The following CNTNAP5 variants were observed in gnomAD, a reference collection of about 807,000 sequenced individuals.
The protein encoded by CNTNAP5 is contactin associated protein family member 5.
CNTNAP5 carries 72 observed loss-of-function variants against 150.2 expected under a neutral mutation model. The ratio of observed to expected loss-of-function variants is 0.48; its 90% confidence interval spans 0.40 to 0.58. The LOEUF is 0.58. CNTNAP5 is among the 20% of genes least tolerant of loss of function. The probability of loss-of-function intolerance (pLI) is 0.00; values close to 1 mark genes in which losing one functional copy is unlikely to be tolerated. For missense variants in CNTNAP5, 1,636 were observed against 1,626.2 expected (o/e 1.01, Z -0.10); for synonymous variants, 672 against 619.8 (o/e 1.08, Z -1.25).
intron 6 of CNTNAP5, among the ~76,000 whole-genome samples, chr2:124,472,629 G>T (rs74952300): frequency 6.6e-6 from 1 of 151,368 alleles, no homozygotes; most frequent in African/African-American, 2.4e-5. Context: ...TGTGGATTCC[G>T]TTCCAGACGA....
At chr2:124,607,050 C>A (rs118147848) in intron 11 of CNTNAP5, among the ~76,000 whole-genome samples, 10 of 152,170 alleles carry the variant, frequency 6.6e-5, no homozygotes, top group African/African-American at 9.7e-5. Context: ...ATCCTTACTA[C>A]AACAGTATGA....
chr2:124,835,797 T>G (rs1038203122), intron 19 of CNTNAP5, among the ~76,000 whole-genome samples: 10 of 152,162 alleles, frequency 6.6e-5, no homozygotes, highest in Non-Finnish European at 1.2e-4. Flanking sequence ...TTAGATGACT[T>G]GTCAAAACTC....
chr2:124,347,793 G>A (rs1356816166), intron 3 of CNTNAP5, among the ~76,000 whole-genome samples: 3 of 151,906 alleles, frequency 2.0e-5, no homozygotes, highest in East Asian at 3.9e-4. Context: ...CCACACAAAT[G>A]TAGACATATA....
intron 1 of CNTNAP5, among the ~76,000 whole-genome samples, chr2:124,197,628 A>G (rs575842760): frequency 6.6e-6 from 1 of 152,302 alleles, no homozygotes; most frequent in South Asian, 2.1e-4. Flanking sequence ...AGGTGTGTAT[A>G]TCTTTAACTT....
At chr2:124,294,305 A>T (rs1688369243) in intron 3 of CNTNAP5, among the ~76,000 whole-genome samples, 1 of 152,220 alleles carries the variant, frequency 6.6e-6, no homozygotes, top group Non-Finnish European at 1.5e-5. Context: ...ATGAAAAAAA[A>T]TAAGGTAATA....
At chr2:124,868,165 C>T (rs1024255790) in intron 20 of CNTNAP5, among the ~76,000 whole-genome samples, 2 of 152,124 alleles carry the variant, frequency 1.3e-5, no homozygotes, top group Non-Finnish European at 2.9e-5. Context: ...TGTCTATCCT[C>T]AACATAGCAG....
At chr2:124,076,324 C>T (rs182757100) in intron 1 of CNTNAP5, among the ~76,000 whole-genome samples, 1 of 152,128 alleles carries the variant, frequency 6.6e-6, no homozygotes, top group Non-Finnish European at 1.5e-5. Context: ...GACAGAGTCT[C>T]CAGCTTCTCA....
intron 10 of CNTNAP5, among the ~76,000 whole-genome samples, chr2:124,549,192 G>T (rs550774348): frequency 6.6e-6 from 1 of 152,302 alleles, no homozygotes; most frequent in South Asian, 2.1e-4. Flanking sequence ...GCTGGTATCT[G>T]TTCACTTCAT....
intron 1 of CNTNAP5, among the ~76,000 whole-genome samples, chr2:124,082,783 T>G (rs532002806): frequency 6.6e-6 from 1 of 152,332 alleles, no homozygotes; most frequent in South Asian, 2.1e-4. Flanking sequence ...GTATGAATGA[T>G]CCACATTCTG....
intron 7 of CNTNAP5, among the ~76,000 whole-genome samples, chr2:124,488,527 C>T (rs1026007561): frequency 2.6e-5 from 4 of 152,190 alleles, no homozygotes; most frequent in South Asian, 2.1e-4. Context: ...GCTTAACACA[C>T]GTTTTATATT....
intron 3 of CNTNAP5, among the ~76,000 whole-genome samples, chr2:124,364,004 C>A (rs149146468): frequency 1.1e-3 from 171 of 152,260 alleles, no homozygotes; most frequent in African/African-American, 3.4e-3. Context: ...ACTTCAGAAG[C>A]CAGAGGCATG....
chr2:124,828,397 C>T (rs1479186704), intron 19 of CNTNAP5, among the ~76,000 whole-genome samples: 1 of 151,894 alleles, frequency 6.6e-6, no homozygotes, highest in Non-Finnish European at 1.5e-5. Flanking sequence ...AGGAGAATGG[C>T]GTGAACCTAG....
At chr2:124,703,571 C>T (rs972422097) in intron 13 of CNTNAP5, among the ~76,000 whole-genome samples, 1 of 152,124 alleles carries the variant, frequency 6.6e-6, no homozygotes, top group Admixed American at 6.6e-5. Flanking sequence ...TTAAGTCAAC[C>T]CTTAGCACAT....
intron 5 of CNTNAP5, among the ~76,000 whole-genome samples, chr2:124,439,451 A>T (rs571872047): frequency 1.8e-4 from 28 of 152,344 alleles, no homozygotes; most frequent in Admixed American, 1.6e-3. Flanking sequence ...CATCAAAATC[A>T]TATAACAAAT....
chr2:124,196,031 C>CT (rs1253360110), intron 1 of CNTNAP5, among the ~76,000 whole-genome samples: 3 of 151,878 alleles, frequency 2.0e-5, no homozygotes, highest in South Asian at 2.1e-4. Context: ...TTGAGTGCCC[C>CT]TTTTTTGTAA....
intron 21 of CNTNAP5, among the ~76,000 whole-genome samples, chr2:124,881,788 G>A (rs1418175580): frequency 6.6e-6 from 1 of 152,046 alleles, no homozygotes; most frequent in East Asian, 1.9e-4. Context: ...GGTCCTTGAA[G>A]GCAGGAACAT....
At chr2:124,075,070 T>G (rs1380464838) in intron 1 of CNTNAP5, among the ~76,000 whole-genome samples, 1 of 152,126 alleles carries the variant, frequency 6.6e-6, no homozygotes, top group African/African-American at 2.4e-5. Context: ...AAAAATGTAC[T>G]TTTTTTACAA....
At chr2:124,610,132 T>C (rs1159308133) in intron 12 of CNTNAP5, among the ~76,000 whole-genome samples, 1 of 152,244 alleles carries the variant, frequency 6.6e-6, no homozygotes, top group Non-Finnish European at 1.5e-5. Context: ...TTAATGGTCT[T>C]GATAATGTTT....
chr2:124,625,130 T>A (rs2105001587), intron 12 of CNTNAP5, among the ~76,000 whole-genome samples: 1 of 152,246 alleles, frequency 6.6e-6, no homozygotes, highest in East Asian at 1.9e-4. Flanking sequence ...TGGCCTGCAT[T>A]GCCCTGTCTC....
Sources: gnomAD v4.1 joint callset for allele counts (sites outside exome capture counted in the v4.1 genomes callset) on GRCh38, gnomAD v4.1.1 for gene constraint, MANE v1.5 for transcripts, NCBI Gene and HGNC (gene_info 2026-07-23, HGNC 2026-07-21) for gene names.